The following XXYLT1 variants were observed in gnomAD, a reference collection of about 807,000 sequenced individuals.
XXYLT1 encodes the protein xyloside xylosyltransferase 1, also known as UDP-xylose:alpha-xyloside alpha-1,3-xylosyltransferase.
In XXYLT1, 20 loss-of-function variants were observed where a neutral mutation model predicts 28.9. The ratio of observed to expected loss-of-function variants is 0.69; its 90% CI spans 0.49 to 1.00. The LOEUF is 1.00. XXYLT1 is among the 50% of genes least tolerant of loss of function. The pLI is 0.00. For synonymous variants in XXYLT1, 257 were observed against 253.8 expected (o/e 1.01, Z -0.12); for missense variants, 542 against 560.1 (o/e 0.97, Z 0.33).
At chr3:195,098,879 C>T (rs1382147670) in intron 3 of XXYLT1, among the ~76,000 whole-genome samples, 2 of 152,216 alleles carry the variant, frequency 1.3e-5, no homozygotes, top group Non-Finnish European at 2.9e-5. Context: ...GGTCTCCAAG[C>T]TGCCTCAGGG....
intron 1 of XXYLT1, among the ~76,000 whole-genome samples, chr3:195,237,315 G>A (rs922478705): frequency 2.6e-5 from 4 of 152,064 alleles, no homozygotes; most frequent in African/African-American, 4.8e-5. Context: ...CGTGGGCATC[G>A]GCTGAGTTCT....
chr3:195,141,768 G>A (rs997212590), intron 3 of XXYLT1, among the ~76,000 whole-genome samples: 4 of 152,094 alleles, frequency 2.6e-5, no homozygotes, highest in African/African-American at 9.7e-5. Flanking sequence ...CTCTCCCAAT[G>A]GCCACCTGTG....
chr3:195,107,595 AGGGGG>A (rs1717205386), intron 3 of XXYLT1, among the ~76,000 whole-genome samples: 6 of 13,034 alleles, frequency 4.6e-4, no homozygotes, highest in African/African-American at 1.1e-3. Flanking sequence ...GGGGAGGAGG[AGGGGG>A]AGGAGGAAGG....
intron 3 of XXYLT1, among the ~76,000 whole-genome samples, chr3:195,107,759 G>C (rs1560098561): frequency 6.6e-6 from 1 of 151,758 alleles, no homozygotes; most frequent in African/African-American, 2.4e-5. Flanking sequence ...TGCGCTTCTG[G>C]CGGGGATCCA....
intron 1 of XXYLT1, chr3:195,270,309 G>C: frequency 4.4e-6 from 4 of 914,866 alleles, no homozygotes; most frequent in Non-Finnish European, 6.1e-6. Context: ...CGCTTAACTG[G>C]GGGAGAGGAA....
chr3:195,248,214 A>C (rs910701617), intron 1 of XXYLT1, among the ~76,000 whole-genome samples: 1 of 152,180 alleles, frequency 6.6e-6, no homozygotes, highest in Non-Finnish European at 1.5e-5. Flanking sequence ...TACTAAGAAG[A>C]AAGCTTTAGA....
At chr3:195,229,293 A>T (rs746268609) in intron 1 of XXYLT1, among the ~76,000 whole-genome samples, 2 of 152,046 alleles carry the variant, frequency 1.3e-5, no homozygotes, top group Non-Finnish European at 2.9e-5. Context: ...ATATTTATGG[A>T]GTATATGAGA....
intron 2 of XXYLT1, among the ~76,000 whole-genome samples, chr3:195,185,264 C>T (rs1722143782): frequency 6.6e-6 from 1 of 152,124 alleles, no homozygotes; most frequent in Non-Finnish European, 1.5e-5. Flanking sequence ...TGCTCAGTGT[C>T]TTAGAACTTA....
chr3:195,086,718 C>T (rs1193243065), intron 3 of XXYLT1, among the ~76,000 whole-genome samples: 3 of 152,002 alleles, frequency 2.0e-5, no homozygotes, highest in African/African-American at 7.3e-5. Context: ...CAGGAGGATG[C>T]TTTGGTGATG....
At chr3:195,140,777 C>T (rs185996706) in intron 3 of XXYLT1, among the ~76,000 whole-genome samples, 89 of 152,270 alleles carry the variant, frequency 5.8e-4, no homozygotes, top group African/African-American at 1.9e-3. Flanking sequence ...AAGTCTGCCC[C>T]CATGATTCAA....
At chr3:195,082,319 C>T (rs116622137) in intron 3 of XXYLT1, among the ~76,000 whole-genome samples, 329 of 152,240 alleles carry the variant, frequency 2.2e-3, no homozygotes, top group African/African-American at 7.5e-3. Context: ...GAGTCTCAGG[C>T]GTTTGCCTCC....
At chr3:195,156,839 C>T (rs985331889) in intron 2 of XXYLT1, among the ~76,000 whole-genome samples, 13 of 152,278 alleles carry the variant, frequency 8.5e-5, no homozygotes, top group South Asian at 2.1e-4. Context: ...GGCGACCACA[C>T]GCTCCAGTGT....
At chr3:195,102,225 A>G (rs907541326) in intron 3 of XXYLT1, among the ~76,000 whole-genome samples, 3 of 152,256 alleles carry the variant, frequency 2.0e-5, no homozygotes. Flanking sequence ...TGAAATGGTT[A>G]CAATAGTCAA....
chr3:195,244,855 A>C (rs958648074), intron 1 of XXYLT1, among the ~76,000 whole-genome samples: 1 of 148,726 alleles, frequency 6.7e-6, no homozygotes, highest in Non-Finnish European at 1.5e-5. Flanking sequence ...TGTCTCAAAA[A>C]AAAAAAAAAC....
At chr3:195,143,819 TAGATATATATAGATATAGATATAG>T in intron 3 of XXYLT1, among the ~76,000 whole-genome samples, 1 of 100,896 alleles carries the variant, frequency 9.9e-6, no homozygotes, top group Non-Finnish European at 2.0e-5. Context: ...TATATAGATA[TAGATATATATAGATATAGATATAG>T]ATATATATAT....
chr3:195,173,741 C>T lies in XXYLT1; in HGVS notation c.653-17160G>A, dbSNP rs1382652849. On this transcript the variant is annotated intron_variant, in intron 2 of 3. Coordinates refer to ENST00000310380, the MANE Select transcript of XXYLT1 (RefSeq NM_152531.5). The surrounding 1 kb of genome is among the most constrained non-coding windows in gnomAD (Gnocchi z 4.3). ...ATAAAGTGAACTTCACTTTAGAAAGCAGAAGGAGCTTTGCATCTCAGGCCA... is the reference window on the plus strand; with the variant it reads ...ATAAAGTGAACTTCACTTTAGAAAGTAGAAGGAGCTTTGCATCTCAGGCCA... Among the ~76,000 whole-genome samples the T allele has an allele frequency of 1.3e-5, 2 of 152,190 alleles. No individual in the cohort carries two copies. Among genetic ancestry groups the T allele is most frequent in the African/African-American group, 4.8e-5 (2 of 41,452 alleles).
chr3:195,196,990 A>G (rs1426312674), intron 2 of XXYLT1, among the ~76,000 whole-genome samples: 3 of 152,222 alleles, frequency 2.0e-5, no homozygotes, highest in Non-Finnish European at 4.4e-5. Flanking sequence ...CTCACAGCAT[A>G]ACCACCCTGG....
Position 195,271,109 on chromosome 3 carries a change from G to C in XXYLT1, c.-51C>G. ...GTGCCAGCAACGCGGGAGAGCCCTC[G>C]GGTACCCGGACGCCGGCGGCCACTT... On this transcript the variant is annotated 5_prime_UTR_variant, in exon 1 of 4. Transcript: ENST00000310380. 7.8e-7 allele frequency: 1 copy of C among 1,284,482 alleles called. No homozygotes were observed. Among genetic ancestry groups the C allele is most frequent in the Non-Finnish European group, 9.8e-7 (1 of 1,018,552 alleles). 79.6% of individuals were successfully genotyped at this position (1,284,482 alleles called of 1,614,324 possible).
chr3:195,259,587 G>A (rs1725606983), intron 1 of XXYLT1: 1 of 985,354 alleles, frequency 1.0e-6, no homozygotes, highest in Admixed American at 6.1e-5. Flanking sequence ...TACAGGCCTG[G>A]GAAGCCCTCA....
Sources: gnomAD v4.1 joint callset for allele counts (sites outside exome capture counted in the v4.1 genomes callset) on GRCh38, gnomAD v4.1.1 for gene constraint, Gnocchi (gnomAD v3.1) non-coding constraint, MANE v1.5 for transcripts, NCBI Gene and HGNC (gene_info 2026-07-23, HGNC 2026-07-21) for gene names.